The following CCNB1IP1 variants were observed in gnomAD, a reference collection of about 807,000 sequenced individuals.
CCNB1IP1 encodes the protein cyclin B1 interacting protein 1, also known as E3 ubiquitin-protein ligase CCNB1IP1.
A neutral mutation model predicts 25.6 loss-of-function variants in CCNB1IP1; 14 were observed. That is an observed-to-expected ratio of 0.55 (90% CI 0.36 to 0.85). The LOEUF is 0.85. Ranked by LOEUF, CCNB1IP1 falls within the 40% of genes least tolerant of loss-of-function variation. The pLI, the probability that CCNB1IP1 is intolerant of heterozygous loss-of-function variation, is 0.01. For missense variants in CCNB1IP1, 278 were observed against 342.4 expected (o/e 0.81, Z 1.48); for synonymous variants, 119 against 116.1 (o/e 1.02, Z -0.16).
chr14:20,318,169 G>C (rs543267286), intron 4 of CCNB1IP1: 48 of 152,356 alleles, frequency 3.2e-4, no homozygotes, highest in African/African-American at 1.1e-3. Context: ...ATGCATTACA[G>C]CTCTTTAAAT....
At chr14:20,313,829 AGGTATTG>A in intron 5 of CCNB1IP1, 28 bp from the exon 6 acceptor site, 1 of 1,487,984 alleles carries the variant, frequency 6.7e-7, no homozygotes, top group Non-Finnish European at 9.0e-7. Flanking sequence ...AAGATTTTTA[AGGTATTG>A]GGTACAAAGT....
At chr14:20,313,848 A>T in intron 5 of CCNB1IP1, 47 bp from the exon 6 acceptor site, 1 of 1,352,936 alleles carries the variant, frequency 7.4e-7, no homozygotes. Flanking sequence ...GTACAAAGTT[A>T]TATATTGTAA....
At chr14:20,322,760 C>G (rs1410056656) in intron 4 of CCNB1IP1, among the ~76,000 whole-genome samples, 1 of 151,840 alleles carries the variant, frequency 6.6e-6, no homozygotes, top group Non-Finnish European at 1.5e-5. Flanking sequence ...GTAGCTGGGA[C>G]TGCAGGTGTA....
At chr14:20,332,792 A>AC (rs1208064441) in intron 1 of CCNB1IP1, 1 of 152,294 alleles carries the variant, frequency 6.6e-6, no homozygotes, top group Non-Finnish European at 1.5e-5. Context: ...AAGACAAGGT[A>AC]CGCTGCAGCT....
rs1348593537 is a variant in CCNB1IP1 at position 20,325,673 on chromosome 14, C to G, written c.-152-20G>C. ...TTACTCCTGCAAAAGACAACAAAAGCTAAAAAATTATTTCAAGTCCTGATG... is the reference window on the plus strand; with the variant it reads ...TTACTCCTGCAAAAGACAACAAAAGGTAAAAAATTATTTCAAGTCCTGATG... On this transcript the variant is annotated intron_variant, in intron 3 of 6. Coordinates refer to ENST00000358932, the MANE Select transcript of CCNB1IP1 (RefSeq NM_021178.5). 1 of 152,052 alleles carries G rather than the reference C, an allele frequency of 6.6e-6. No individual in the cohort carries two copies. Among genetic ancestry groups the G allele is most frequent in the African/African-American group, 2.4e-5 (1 of 41,392 alleles). The allele number at this position is 152,052 out of a possible 1,614,324, so 9.4% of individuals were successfully genotyped here. A position where few individuals can be genotyped will look rare whatever the true frequency, so the allele number is the denominator to read the frequency against.
In CCNB1IP1 at chr14:20,325,577, A is replaced by G. The variant is rs2138868478; in HGVS notation, c.-76T>C. 1 of 152,316 alleles carries G rather than the reference A, an allele frequency of 6.6e-6. No homozygotes were observed. The highest frequency in any genetic ancestry group is 2.1e-4 in the South Asian group (1 of 4,830). The allele number at this position is 152,316 out of a possible 1,614,324, so 9.4% of individuals were successfully genotyped here. The stretch of plus-strand genomic sequence containing the variant: ...CGCAGTACTCATCTACAGTATATCC[A>G]GGATTTACAGCACCAAAGAGGTCCA... On this transcript the variant is annotated 5_prime_UTR_variant, in exon 4 of 7. Coordinates refer to ENST00000358932, the MANE Select transcript of CCNB1IP1 (RefSeq NM_021178.5).
At position 20,329,331 on chromosome 14, in the gene CCNB1IP1, A is replaced by C. The variant is rs1313879408; in HGVS notation, c.-388T>G. On this transcript the variant is annotated 5_prime_UTR_variant, in exon 2 of 7. Transcript: ENST00000358932. The stretch of plus-strand genomic sequence containing the variant: ...AGATGGGCCAGTTCTGGACTGGCAC[A>C]CAGGGTGCTGGACTTCCCTCCTCAG... 1 of 152,254 alleles carries C rather than the reference A, an allele frequency of 6.6e-6. No individual in the cohort carries two copies. The highest frequency in any genetic ancestry group is 2.4e-5 in the African/African-American group (1 of 41,464). The allele number at this position is 152,254 out of a possible 1,614,324, so 9.4% of individuals were successfully genotyped here.
chr14:20,321,311 G>T (rs74033873), intron 4 of CCNB1IP1, among the ~76,000 whole-genome samples: 8,456 of 152,188 alleles, frequency 0.056, 724 homozygotes, highest in African/African-American at 0.18. Context: ...CAAAAGTTGA[G>T]ATTTGCAACA....
At chr14:20,326,659 G>T (rs573768053) in intron 3 of CCNB1IP1, 57 bp downstream of exon 3, 120 of 337,056 alleles carry the variant, frequency 3.6e-4, no homozygotes, top group African/African-American at 2.4e-3. Context: ...CCCAAGTCTT[G>T]CTAAGTGATT....
intron 2 of CCNB1IP1, among the ~76,000 whole-genome samples, chr14:20,327,522 TG>T (rs1883112728): frequency 6.6e-6 from 1 of 150,480 alleles, no homozygotes; most frequent in Admixed American, 6.7e-5. Flanking sequence ...GCGTGTCATC[TG>T]AACTTTCAGG....
intron 4 of CCNB1IP1, among the ~76,000 whole-genome samples, chr14:20,316,873 C>T (rs892292415): frequency 6.6e-6 from 1 of 152,150 alleles, no homozygotes; most frequent in African/African-American, 2.4e-5. Flanking sequence ...TTTGGGAAGC[C>T]AAGGCAGGCG....
chr14:20,313,329 T>C (rs1016512556), intron 6 of CCNB1IP1, 139 bp downstream of exon 6: 8 of 575,890 alleles, frequency 1.4e-5, no homozygotes, highest in African/African-American at 3.7e-5. Flanking sequence ...GGTTGAAACA[T>C]GGGTGAAGAA....
intron 4 of CCNB1IP1, among the ~76,000 whole-genome samples, chr14:20,321,705 G>A (rs2138859419): frequency 6.6e-6 from 1 of 152,276 alleles, no homozygotes. Context: ...ACCCTGCTCG[G>A]CCTTCTGAAG....
chr14:20,317,581 T>TGGG (rs1882751028), intron 4 of CCNB1IP1: 1 of 152,178 alleles, frequency 6.6e-6, no homozygotes, highest in Non-Finnish European at 1.5e-5. Flanking sequence ...GCAGAGGAGC[T>TGGG]GGGAAGCTTT....
intron 2 of CCNB1IP1, among the ~76,000 whole-genome samples, chr14:20,328,507 G>A (rs539085260): frequency 3.3e-5 from 5 of 151,964 alleles, no homozygotes; most frequent in Admixed American, 1.3e-4. Flanking sequence ...AGCAAGACAT[G>A]GTGTGAAAGG....
At chr14:20,323,187 G>C (rs892364058) in intron 4 of CCNB1IP1, 7 of 151,980 alleles carry the variant, frequency 4.6e-5, no homozygotes, top group African/African-American at 1.7e-4. Context: ...GTAATTGTTT[G>C]ACTCCGCAAA....
In CCNB1IP1 at chr14:20,313,506, G is replaced by T. The variant is rs200929995; in HGVS notation, c.593C>A (p.Ser198Tyr). 7.6e-5 allele frequency: 122 copies of T among 1,610,526 alleles called. 1 individual carries two copies. The highest frequency in any genetic ancestry group is 2.4e-5 in the Non-Finnish European group (28 of 1,178,062). The change falls in exon 6 of 7, where the codon TCC (serine) becomes TAC (tyrosine). Residue 198 changes from serine to tyrosine, a missense_variant. Coordinates refer to ENST00000358932, the MANE Select transcript of CCNB1IP1 (RefSeq NM_021178.5). Reference protein sequence around the residue: ...IANHEGTLEPSMIAQSGVLGF... With the variant: ...IANHEGTLEPYMIAQSGVLGF... ...AAGAACACCAGACTGTGCAATCATG[G>T]ATGGTTCAAGGGTGCCTTCATGGTT...
intron 6 of CCNB1IP1, among the ~76,000 whole-genome samples, chr14:20,313,251 T>C (rs971390643): frequency 4.6e-5 from 7 of 152,226 alleles, no homozygotes; most frequent in Admixed American, 2.0e-4. Context: ...TTTGCAGAGA[T>C]TAACTGCTCA....
chr14:20,330,104 TA>T (rs772221716), intron 1 of CCNB1IP1, among the ~76,000 whole-genome samples: 51 of 98,442 alleles, frequency 5.2e-4, no homozygotes, highest in African/African-American at 4.7e-4. Flanking sequence ...TCCACAGCCA[TA>T]AAAAAAAAAA....
Sources: gnomAD v4.1 joint callset for allele counts (sites outside exome capture counted in the v4.1 genomes callset) on GRCh38, gnomAD v4.1.1 for gene constraint, MANE v1.5 for transcripts, NCBI Gene and HGNC (gene_info 2026-07-23, HGNC 2026-07-21) for gene names.